Variants in FDFT1 observed in about 807,000 individuals in gnomAD.
FDFT1 encodes farnesyl-diphosphate farnesyltransferase 1.
In FDFT1, 68 loss-of-function variants were observed where a neutral mutation model predicts 46.8. The ratio of observed to expected loss-of-function variants is 1.45; its 90% CI spans 1.19 to 1.78. The LOEUF (loss-of-function observed/expected upper bound fraction) is 1.78, where lower values mean the gene tolerates loss of function less well. FDFT1 is among the 40% of genes most tolerant of loss of function. The pLI is 0.00. For synonymous variants in FDFT1, 351 were observed against 185.1 expected (o/e 1.90, Z -7.28); for missense variants, 928 against 524.4 (o/e 1.77, Z -7.52).
intron 7 of FDFT1, among the ~76,000 whole-genome samples, chr8:11,832,650 G>C (rs1586002285): frequency 6.7e-6 from 1 of 149,250 alleles, no homozygotes; most frequent in Admixed American, 6.7e-5. Flanking sequence ...AAATGGAGGT[G>C]ATTTGCTCCC....
intron 3 of FDFT1, among the ~76,000 whole-genome samples, chr8:11,818,443 C>T (rs932676835): frequency 5.3e-5 from 8 of 152,170 alleles, no homozygotes; most frequent in African/African-American, 1.9e-4. Context: ...GTTGATCTAT[C>T]TAATATTGAC....
intron 4 of FDFT1, among the ~76,000 whole-genome samples, chr8:11,823,434 G>C (rs1318833258): frequency 6.6e-6 from 1 of 151,990 alleles, no homozygotes; most frequent in African/African-American, 2.4e-5. Flanking sequence ...GCTGTCCAAA[G>C]CCAATTTCTG....
At chr8:11,811,025 A>T (rs1416325742) in intron 3 of FDFT1, among the ~76,000 whole-genome samples, 1 of 152,014 alleles carries the variant, frequency 6.6e-6, no homozygotes, top group Non-Finnish European at 1.5e-5. Flanking sequence ...GACCTTAAGT[A>T]CCAAAGCCCA....
At chr8:11,815,818 T>A (rs1274959739) in intron 3 of FDFT1, among the ~76,000 whole-genome samples, 1 of 152,228 alleles carries the variant, frequency 6.6e-6, no homozygotes, top group African/African-American at 2.4e-5. Context: ...TTCTGTAGGT[T>A]GCCTTTTACT....
At chr8:11,810,975 AC>A (rs1432091170) in intron 3 of FDFT1, among the ~76,000 whole-genome samples, 6 of 151,084 alleles carry the variant, frequency 4.0e-5, no homozygotes, top group Admixed American at 4.0e-4. Flanking sequence ...TTTGGGGAAG[AC>A]TCTTGCGGTG....
intron 1 of FDFT1, among the ~76,000 whole-genome samples, chr8:11,796,973 T>A (rs969841006): frequency 6.6e-6 from 1 of 152,264 alleles, no homozygotes; most frequent in Non-Finnish European, 1.5e-5. Flanking sequence ...TGCAGTCAGA[T>A]CTATATCTAC....
At chr8:11,816,503 T>C (rs920535507) in intron 3 of FDFT1, among the ~76,000 whole-genome samples, 5 of 152,246 alleles carry the variant, frequency 3.3e-5, no homozygotes, top group South Asian at 2.1e-4. Flanking sequence ...TCCATGAGCA[T>C]GGAATGTTCT....
chr8:11,813,155 A>T lies in FDFT1; in HGVS notation c.381+3305A>T, dbSNP rs540843398. Among the ~76,000 whole-genome samples, 5 of 152,308 alleles carry T rather than the reference A, an allele frequency of 3.3e-5. No homozygotes were observed. The South Asian group carries it at 1.0e-3, about 32-fold the overall frequency. On this transcript the variant is annotated intron_variant, in intron 3 of 7. Transcript: ENST00000220584. ...AAAGGTATAGTAAAAACAGGGTGTT[A>T]CAGTCTTAAGGGCCCACCATTGTAT...
At chr8:11,832,576 A>AAAAAAAAAAAAAAAAAAAAAAAAAT in intron 7 of FDFT1, among the ~76,000 whole-genome samples, 1 of 134,846 alleles carries the variant, frequency 7.4e-6, no homozygotes, top group Admixed American at 7.6e-5. Context: ...AAAAAAAAAA[A>AAAAAAAAAAAAAAAAAAAAAAAAAT]GTCTTAGAGA....
Position 11,808,683 on chromosome 8 carries a change from G to A in FDFT1, c.100-111G>A, listed in dbSNP as rs1362648477. On this transcript the variant is annotated intron_variant, in intron 1 of 7. Transcript: ENST00000220584. ...CAAGGACTGGCCTCGGGGAGAGGGCGGCAGGCTGTGGAGCCGCCTGCCCCA... is the reference window on the plus strand; with the variant it reads ...CAAGGACTGGCCTCGGGGAGAGGGCAGCAGGCTGTGGAGCCGCCTGCCCCA... 1.1e-5 allele frequency: 17 copies of A among 1,489,420 alleles called. No individual in the cohort carries two copies. The East Asian group carries it at 2.3e-4, about 20-fold the overall frequency. The allele number at this position is 1,489,420 out of a possible 1,614,324, so 92.3% of individuals were successfully genotyped here.
At chr8:11,830,211 C>G (rs1416396104) in intron 5 of FDFT1, 33 bp from the exon 6 acceptor site, 3 of 1,560,964 alleles carry the variant, frequency 1.9e-6, no homozygotes, top group Non-Finnish European at 8.8e-7. Context: ...TATGCACACG[C>G]TGACCTGTTC....
intron 4 of FDFT1, among the ~76,000 whole-genome samples, chr8:11,824,285 G>C (rs1670420370): frequency 6.6e-6 from 1 of 152,124 alleles, no homozygotes; most frequent in African/African-American, 2.4e-5. Flanking sequence ...ACCCTTTTCA[G>C]AGGAGGACAG....
intron 3 of FDFT1, among the ~76,000 whole-genome samples, chr8:11,812,786 T>A (rs941911714): frequency 6.6e-6 from 1 of 152,222 alleles, no homozygotes; most frequent in African/African-American, 2.4e-5. Flanking sequence ...TACAGTAGAT[T>A]GAACCTGATC....
At chr8:11,829,282 A>G (rs1346597720) in intron 5 of FDFT1, among the ~76,000 whole-genome samples, 1 of 152,264 alleles carries the variant, frequency 6.6e-6, no homozygotes, top group Non-Finnish European at 1.5e-5. Flanking sequence ...TAATGATGTT[A>G]TATAACCATC....
intron 4 of FDFT1, 48 bp from the exon 5 acceptor site, chr8:11,825,976 T>C: frequency 7.3e-7 from 1 of 1,373,578 alleles, no homozygotes; most frequent in Non-Finnish European, 9.9e-7. Flanking sequence ...TGTGTCCATT[T>C]CAGTAAAAAT....
intron 3 of FDFT1, among the ~76,000 whole-genome samples, chr8:11,814,634 G>A (rs1465089249): frequency 6.6e-6 from 1 of 152,178 alleles, no homozygotes; most frequent in Non-Finnish European, 1.5e-5. Flanking sequence ...TATTTGGGCA[G>A]TAACAATAAA....
chr8:11,831,790 G>C lies in FDFT1; in HGVS notation c.1032+120G>C, dbSNP rs1193169906. 1.3e-5 allele frequency: 11 copies of C among 871,384 alleles called. No individual in the cohort carries two copies. In the Middle Eastern group the frequency reaches 1.3e-3, roughly 101 times the overall value. 54.0% of individuals were successfully genotyped at this position (871,384 alleles called of 1,614,324 possible). A position where few individuals can be genotyped will look rare whatever the true frequency, so the allele number is the denominator to read the frequency against. ...ACAATTCACTATCCTGTGGCCTAAA[G>C]AGACAGGAATTGATATCCTTTATAA... On this transcript the variant is annotated intron_variant, in intron 7 of 7. Coordinates refer to ENST00000220584, the MANE Select transcript of FDFT1 (RefSeq NM_004462.5).
chr8:11,810,116 A>C (rs1467685260), intron 3 of FDFT1: 4 of 366,192 alleles, frequency 1.1e-5, no homozygotes, highest in Non-Finnish European at 2.0e-5. Flanking sequence ...GGTAATAATA[A>C]CACCTACCTC....
upstream of FDFT1, among the ~76,000 whole-genome samples, chr8:11,801,490 T>G (rs947911126): frequency 6.6e-6 from 1 of 151,912 alleles, no homozygotes; most frequent in Admixed American, 6.5e-5. Flanking sequence ...TGGCTAATTT[T>G]TGTATTTTTA....
Sources: allele counts gnomAD v4.1 joint callset (sites outside exome capture counted in the v4.1 genomes callset), GRCh38; gene constraint gnomAD v4.1.1; transcripts MANE v1.5; gene names NCBI Gene and HGNC (gene_info 2026-07-23, HGNC 2026-07-21).